The following RNF128 variants were observed in gnomAD, a reference collection of about 807,000 sequenced individuals.
The protein encoded by RNF128 is E3 ubiquitin-protein ligase RNF128.
Under a neutral mutation model 26.2 loss-of-function variants are expected in RNF128, and 13 were observed. The observed-to-expected ratio is 0.50, with a 90% CI of 0.32 to 0.79. RNF128 has a LOEUF of 0.79. Among genes scored for constraint, RNF128 ranks in the 30% least tolerant of loss-of-function variants. The pLI, the probability that RNF128 is intolerant of heterozygous loss-of-function variation, is 0.03. For synonymous variants in RNF128, 149 were observed against 142.5 expected, an observed-to-expected ratio of 1.05 and a Z score of -0.32; for missense variants, 315 against 349.7, an observed-to-expected ratio of 0.90 and a Z score of 0.79.
intron 6 of RNF128, among the ~76,000 whole-genome samples, chrX:106,794,758 A>C (rs919136824): frequency 9.0e-6 from 1 of 111,055 alleles, no homozygotes; most frequent in Non-Finnish European, 1.9e-5. Context: ...TTATCTATCT[A>C]TCTGAAAAAC....
chrX:106,750,605 A>G (rs1353326863), intron 1 of RNF128, among the ~76,000 whole-genome samples: 1 of 111,696 alleles, frequency 9.0e-6, no homozygotes, highest in Non-Finnish European at 1.9e-5. Flanking sequence ...TGAGCCACCA[A>G]TGTAAATGTC....
At chrX:106,738,610 G>C (rs1401652271) in intron 1 of RNF128, among the ~76,000 whole-genome samples, 1 of 111,500 alleles carries the variant, frequency 9.0e-6, no homozygotes, top group Non-Finnish European at 1.9e-5. Context: ...AAGATATTAA[G>C]CTCTAACAAT....
intron 1 of RNF128, among the ~76,000 whole-genome samples, chrX:106,771,052 C>T (rs1025799002): frequency 8.9e-5 from 10 of 112,298 alleles, no homozygotes; most frequent in African/African-American, 2.6e-4. Context: ...GTATCACCAG[C>T]GGAGGCTGCA....
rs750756385 is a variant in RNF128 at position 106,705,108 on chromosome X, G to A, written c.406+10700G>A. On this transcript the variant is annotated intron_variant, in intron 1 of 6. Transcript: ENST00000324342. ...ATGTTTGGGCAGGGAGGTAGGGTAC[G>A]GTGGAGGGTAACAAGTGCTAAATGA... Among the ~76,000 whole-genome samples, 8 of 111,465 alleles carry A rather than the reference G, an allele frequency of 7.2e-5. No homozygotes were observed. The South Asian group carries it at 3.0e-3, about 42-fold the overall frequency.
intron 4 of RNF128, among the ~76,000 whole-genome samples, chrX:106,788,380 T>C (rs781160215): frequency 2.8e-4 from 13 of 45,970 alleles, no homozygotes; most frequent in Admixed American, 1.2e-3. Flanking sequence ...ATATTATATA[T>C]TATATATAAT....
intron 1 of RNF128, among the ~76,000 whole-genome samples, chrX:106,755,430 A>G (rs1351554087): frequency 9.0e-6 from 1 of 111,140 alleles, no homozygotes; most frequent in African/African-American, 3.3e-5. Flanking sequence ...TTACCCTGAT[A>G]CCAAAACCAG....
chrX:106,772,987 A>C lies in RNF128; in HGVS notation c.559A>C (p.Ile187Leu). 1 of 1,211,564 alleles carries C rather than the reference A, an allele frequency of 8.3e-7. No homozygotes were observed. Among genetic ancestry groups the C allele is most frequent in the Non-Finnish European group, 1.1e-6 (1 of 895,170 alleles). Residue 187 changes from isoleucine (I) to leucine (L), a missense_variant, in exon 2 of 7, where the codon ATA becomes CTA. By Grantham distance (5) the Ile-to-Leu change is conservative. Coordinates refer to ENST00000255499, the MANE Select transcript of RNF128 (RefSeq NM_194463.2). ...AATTCTGCAATCTATTCAAAGAGGC[A>C]TACAAGTGACAATGGTCATAGAAGT... ...TKILQSIQRG[I>L]QVTMVIEVGK...
chrX:106,696,322 C>T (rs982787495), intron 1 of RNF128, among the ~76,000 whole-genome samples: 1 of 111,127 alleles, frequency 9.0e-6, no homozygotes, highest in Non-Finnish European at 1.9e-5. Context: ...CCTTTTAAGA[C>T]CTGCCAAATA....
intron 1 of RNF128, among the ~76,000 whole-genome samples, chrX:106,748,384 T>C (rs748476987): frequency 5.3e-5 from 6 of 112,320 alleles, no homozygotes; most frequent in Non-Finnish European, 1.1e-4. Flanking sequence ...ATAAACAACA[T>C]AGATTCAGTG....
At chrX:106,761,898 T>C (rs1051656886) in intron 1 of RNF128, among the ~76,000 whole-genome samples, 21 of 109,787 alleles carry the variant, frequency 1.9e-4, no homozygotes, top group Non-Finnish European at 3.0e-4. Context: ...TCAATTGGCA[T>C]GCCTCTCTAA....
intron 1 of RNF128, among the ~76,000 whole-genome samples, chrX:106,762,824 G>A (rs1224121945): frequency 1.8e-5 from 2 of 110,184 alleles, no homozygotes; most frequent in African/African-American, 6.6e-5. Flanking sequence ...TAAACTTTGA[G>A]TACACATGGA....
chrX:106,769,905 G>A (rs187797391), intron 1 of RNF128, among the ~76,000 whole-genome samples: 2,181 of 111,187 alleles, frequency 0.02, 26 homozygotes, highest in Non-Finnish European at 0.031. Flanking sequence ...TCCTTTCCAT[G>A]TTTAGTGCTT....
At chrX:106,762,592 G>A (rs1265522719) in intron 1 of RNF128, among the ~76,000 whole-genome samples, 1 of 111,134 alleles carries the variant, frequency 9.0e-6, no homozygotes, top group African/African-American at 3.3e-5. Flanking sequence ...GGGATTACAG[G>A]TGTGAGCCAC....
At chrX:106,752,289 G>A in intron 1 of RNF128, among the ~76,000 whole-genome samples, 1 of 112,345 alleles carries the variant, frequency 8.9e-6, no homozygotes, top group East Asian at 2.8e-4. Context: ...TCCCAGCAGT[G>A]GTGGCCACAG....
At chrX:106,744,037 G>T (rs1398633885) in intron 1 of RNF128, among the ~76,000 whole-genome samples, 4 of 109,367 alleles carry the variant, frequency 3.7e-5, no homozygotes, top group African/African-American at 1.3e-4. Context: ...CTCACTCATA[G>T]GTGGGAATTG....
intron 1 of RNF128, among the ~76,000 whole-genome samples, chrX:106,735,190 G>A (rs1929573916): frequency 9.0e-6 from 1 of 111,581 alleles, no homozygotes; most frequent in African/African-American, 3.3e-5. Flanking sequence ...TGACCTCTGG[G>A]AAACTGGACT....
exon 1 of RNF128, chrX:106,693,948 T>A: frequency 9.3e-7 from 1 of 1,072,510 alleles, no homozygotes; most frequent in Non-Finnish European, 1.3e-6. Context: ...CAATGGTGAC[T>A]GATAGTTGGA....
chrX:106,771,631 G>A (rs180878826), intron 1 of RNF128, among the ~76,000 whole-genome samples: 3 of 112,544 alleles, frequency 2.7e-5, no homozygotes, highest in East Asian at 2.8e-4. Context: ...GGAGTGTCCC[G>A]ATTTTCCAGG....
intron 5 of RNF128, 83 bp downstream of exon 5, chrX:106,790,365 C>A: frequency 1.6e-6 from 1 of 613,493 alleles, no homozygotes; most frequent in Non-Finnish European, 2.7e-6. Context: ...TATTTTTTCG[C>A]TATGTAATAC....
Sources: allele counts gnomAD v4.1 joint callset (sites outside exome capture counted in the v4.1 genomes callset), GRCh38; gene constraint gnomAD v4.1.1; transcripts MANE v1.5; gene names NCBI Gene and HGNC (gene_info 2026-07-23, HGNC 2026-07-21).